Variants in ARHGEF10L observed in about 807,000 individuals in gnomAD.
The protein encoded by ARHGEF10L is rho guanine nucleotide exchange factor 10-like protein.
Under a neutral mutation model 141.2 loss-of-function variants are expected in ARHGEF10L, and 69 were observed. That is an observed-to-expected ratio of 0.49 (90% confidence interval 0.40 to 0.60). ARHGEF10L has a LOEUF of 0.60. Among genes scored for constraint, ARHGEF10L ranks in the 20% least tolerant of loss-of-function variants. ARHGEF10L has a pLI of 0.00. For missense variants in ARHGEF10L, 1,482 were observed against 1,734.3 expected (o/e 0.85, Z 2.58); for synonymous variants, 711 against 718.5 (o/e 0.99, Z 0.17).
chr1:17,654,661 T>A lies in ARHGEF10L; in HGVS notation c.2420T>A (p.Val807Asp), dbSNP rs1297878744. ...LQLGALVHSP[V>D]NCPLLGFSAV... ...CTTGGGGCCCTGGTCCACAGTCCTG[T>A]CAACTGTCCCCTGCTGGGTTTCTCA... The change falls in exon 23 of 29, where the codon GTC becomes GAC. Residue 807 changes from valine (V) to aspartate (D), a missense_variant. By Grantham distance (152) the Val-to-Asp change is radical (BLOSUM62 -3). Transcript: ENST00000361221. The surrounding 1 kb of genome is among the most constrained non-coding windows in gnomAD (Gnocchi z 4.3). The A allele has an allele frequency of 1.2e-6, 2 of 1,614,192 alleles. No homozygotes were observed. The highest frequency in any genetic ancestry group is 1.7e-6 in the Non-Finnish European group (2 of 1,180,034).
intron 21 of ARHGEF10L, among the ~76,000 whole-genome samples, chr1:17,647,157 G>T (rs143946270): frequency 1.1e-4 from 16 of 152,296 alleles, no homozygotes; most frequent in African/African-American, 3.8e-4. Flanking sequence ...ATCAGCGGGC[G>T]CGGTTGCTGA....
the ARHGEF10L span, among the ~76,000 whole-genome samples, chr1:17,525,409 G>T: frequency 6.6e-6 from 1 of 152,214 alleles, no homozygotes; most frequent in Non-Finnish European, 1.5e-5. Context: ...TGCTCCCCAC[G>T]CCATTCTTCA....
chr1:17,584,526 C>T (rs1033860616), intron 2 of ARHGEF10L, among the ~76,000 whole-genome samples: 1 of 152,114 alleles, frequency 6.6e-6, no homozygotes, highest in Non-Finnish European at 1.5e-5. Context: ...GACAGCAACA[C>T]AAATAGCATA....
chr1:17,607,928 C>T lies in ARHGEF10L; in HGVS notation c.560C>T (p.Pro187Leu), dbSNP rs543152492. The change falls in exon 7 of 29, where the codon CCG becomes CTG. Residue 187 changes from proline (P) to leucine (L), a missense_variant. This residue lies in a region of ARHGEF10L where 392 missense variants were observed against 542.1 expected (regional missense o/e 0.72). Transcript: ENST00000361221. This position sits in a 1 kb window ranked among gnomAD's most constrained non-coding sequence, Gnocchi z 4.5. ...GAGGACTCGGGGGAGGAGGCCAAGC[C>T]GGAGGTCGAGGTCGAGCCCGCCAAG... The part of the protein sequence containing the change: ...YSEDSGEEAK[P>L]EVEVEPAKHR... 1.3e-5 allele frequency: 20 copies of T among 1,515,174 alleles called. No individual in the cohort carries two copies. Among genetic ancestry groups the T allele is most frequent in the East Asian group, 5.2e-5 (2 of 38,198 alleles). 93.9% of individuals were successfully genotyped at this position (1,515,174 alleles called of 1,614,324 possible). A position where few individuals can be genotyped will look rare whatever the true frequency, so the allele number is the denominator to read the frequency against.
At chr1:17,540,480 G>A (rs2076683908) in intron 1 of ARHGEF10L, among the ~76,000 whole-genome samples, 1 of 152,126 alleles carries the variant, frequency 6.6e-6, no homozygotes, top group Non-Finnish European at 1.5e-5. Flanking sequence ...GCCGGAGGCC[G>A]TGGCTGCGGA....
In ARHGEF10L at chr1:17,619,865, A is replaced by G. The variant is rs1408400131; in HGVS notation, c.942+420A>G. Among the ~76,000 whole-genome samples, 1 of 152,014 alleles carries G rather than the reference A, an allele frequency of 6.6e-6. No individual in the cohort carries two copies. Among genetic ancestry groups the G allele is most frequent in the Non-Finnish European group, 1.5e-5 (1 of 68,002 alleles). Reference sequence around the variant, plus strand: ...CACCCTGGGCCTCAGAGCTGCCACAAGCTCCCACCAGGAACTGAGGCTCTT... The same window carrying G: ...CACCCTGGGCCTCAGAGCTGCCACAGGCTCCCACCAGGAACTGAGGCTCTT... On this transcript the variant is annotated intron_variant, in intron 10 of 28. Coordinates refer to ENST00000361221, the MANE Select transcript of ARHGEF10L (RefSeq NM_018125.4). The surrounding 1 kb of genome is among the most constrained non-coding windows in gnomAD (Gnocchi z 5.0).
chr1:17,567,193 G>A (rs2077792564), intron 1 of ARHGEF10L, among the ~76,000 whole-genome samples: 1 of 152,166 alleles, frequency 6.6e-6, no homozygotes, highest in Non-Finnish European at 1.5e-5. Flanking sequence ...GCATTTTTGG[G>A]CACCTGTTAT....
In ARHGEF10L at chr1:17,673,989, C is replaced by T. The variant is rs774113301; in HGVS notation, c.3009+9394C>T. 1.1e-4 allele frequency among the ~76,000 whole-genome samples: 16 copies of T among 152,100 alleles called. No homozygotes were observed. Among genetic ancestry groups the T allele is most frequent in the Admixed American group, 2.6e-4 (4 of 15,286 alleles). ...ATTCTGAAGCCCCCACCTGGTCTGC[C>T]GTCCTCTGCCCCATCAGCCCCGTGT... On this transcript the variant is annotated intron_variant, in intron 26 of 28. Transcript: ENST00000361221. The surrounding 1 kb of genome is among the most constrained non-coding windows in gnomAD (Gnocchi z 4.1).
intron 3 of ARHGEF10L, among the ~76,000 whole-genome samples, chr1:17,588,169 G>T (rs12068666): frequency 0.18 from 26,684 of 152,076 alleles, 2,564 homozygotes; most frequent in East Asian, 0.3. Flanking sequence ...GAGCAGCTGG[G>T]GGTGGAGGGC....
intron 21 of ARHGEF10L, among the ~76,000 whole-genome samples, chr1:17,640,842 A>G (rs2061290152): frequency 6.6e-6 from 1 of 152,180 alleles, no homozygotes; most frequent in South Asian, 2.1e-4. Flanking sequence ...CTTCCTGTGC[A>G]CCCCATGGTA....
At chr1:17,690,400 C>A (rs536476428) in intron 27 of ARHGEF10L, among the ~76,000 whole-genome samples, 2 of 152,358 alleles carry the variant, frequency 1.3e-5, no homozygotes, top group African/African-American at 4.8e-5. Flanking sequence ...GGACAGTGCC[C>A]ACAGTCCCCG....
intron 1 of ARHGEF10L, among the ~76,000 whole-genome samples, chr1:17,550,993 C>T (rs1478986264): frequency 2.6e-5 from 4 of 152,018 alleles, no homozygotes; most frequent in Non-Finnish European, 5.9e-5. Context: ...TTAAGCGTCT[C>T]ACCTTATCGA....
the ARHGEF10L span, among the ~76,000 whole-genome samples, chr1:17,516,714 G>T: frequency 6.6e-6 from 1 of 152,130 alleles, no homozygotes; most frequent in Non-Finnish European, 1.5e-5. Flanking sequence ...GGTGGGAGGG[G>T]GCAGCATCAT....
intron 1 of ARHGEF10L, among the ~76,000 whole-genome samples, chr1:17,552,402 C>CT (rs201491630): frequency 6.0e-5 from 9 of 149,054 alleles, no homozygotes; most frequent in Non-Finnish European, 1.0e-4. Flanking sequence ...TTCAATCTAT[C>CT]TTTTTTTTTT....
At position 17,687,566 on chromosome 1, in the gene ARHGEF10L, GC is replaced by G. The variant is rs2064714479; in HGVS notation, c.3010-5del. On this transcript the variant is annotated splice_polypyrimidine_tract_variant and splice_region_variant and intron_variant, in intron 26 of 28. Transcript: ENST00000361221. ...CCAGTATCGACACTCCTCCCTTTGT[GC>G]CACAGCAAAGCTTCGAGGCGCACCA... 6.2e-7 allele frequency: 1 copy of G among 1,612,570 alleles called. No individual in the cohort carries two copies. The highest frequency in any genetic ancestry group is 1.3e-5 in the African/African-American group (1 of 74,894).
At chr1:17,634,609 G>A (rs920196044) in intron 17 of ARHGEF10L, 47 bp downstream of exon 17, 2 of 1,607,214 alleles carry the variant, frequency 1.2e-6, no homozygotes, top group Non-Finnish European at 1.7e-6. Flanking sequence ...TGGGGCTCTG[G>A]GGCTCTGGTG....
At chr1:17,605,981 A>T (rs1165446257) in intron 6 of ARHGEF10L, among the ~76,000 whole-genome samples, 3 of 152,080 alleles carry the variant, frequency 2.0e-5, no homozygotes, top group Non-Finnish European at 4.4e-5. Flanking sequence ...GCTTTGGCAC[A>T]TCTGTTTTGT....
chr1:17,529,824 C>CT, the ARHGEF10L span, among the ~76,000 whole-genome samples: 3,805 of 67,084 alleles, frequency 0.057, 160 homozygotes, highest in East Asian at 0.13. Flanking sequence ...ACACATCAGT[C>CT]TTTTTTTTTT....
intron 4 of ARHGEF10L, among the ~76,000 whole-genome samples, chr1:17,598,336 C>T (rs2080314445): frequency 6.6e-6 from 1 of 152,116 alleles, no homozygotes; most frequent in Non-Finnish European, 1.5e-5. Context: ...TCCTGACCTC[C>T]AGTGATCTAC....
Sources: allele counts gnomAD v4.1 joint callset (sites outside exome capture counted in the v4.1 genomes callset), GRCh38; gene constraint gnomAD v4.1.1; regional missense constraint gnomAD v4.1.1; non-coding constraint Gnocchi (gnomAD v3.1); transcripts MANE v1.5; gene names NCBI Gene and HGNC (gene_info 2026-07-23, HGNC 2026-07-21).